C8orf34: variants seen among roughly 807,000 people sequenced by gnomAD.
C8orf34 encodes the protein uncharacterized protein C8orf34.
C8orf34 carries 65 observed loss-of-function variants against 68.3 expected under a neutral mutation model. The ratio of observed to expected loss-of-function variants is 0.95; its 90% CI spans 0.78 to 1.17. The LOEUF is 1.17. C8orf34 is among the 50% of genes most tolerant of loss of function. C8orf34 has a pLI of 0.00. For missense variants in C8orf34, 664 were observed against 655.4 expected, an observed-to-expected ratio of 1.01 and a Z score of -0.14; for synonymous variants, 244 against 241.2, an observed-to-expected ratio of 1.01 and a Z score of -0.11.
chr8:68,813,450 C>T (rs975190405), intron 12 of C8orf34, among the ~76,000 whole-genome samples: 2 of 152,062 alleles, frequency 1.3e-5, no homozygotes, highest in Non-Finnish European at 2.9e-5. Flanking sequence ...TTCTCCTGCA[C>T]TTGTACTGTT....
intron 8 of C8orf34, among the ~76,000 whole-genome samples, chr8:68,674,340 A>C (rs1474140685): frequency 6.6e-6 from 1 of 152,220 alleles, no homozygotes; most frequent in Admixed American, 6.5e-5. Flanking sequence ...AGAGAGAGAG[A>C]GATATGATCT....
At chr8:68,615,720 A>G (rs1818187825) in intron 7 of C8orf34, among the ~76,000 whole-genome samples, 1 of 152,206 alleles carries the variant, frequency 6.6e-6, no homozygotes, top group Admixed American at 6.5e-5. Flanking sequence ...TTTTGCATCA[A>G]TATTCATCAA....
chr8:68,709,711 TG>T (rs1026375898), intron 9 of C8orf34, among the ~76,000 whole-genome samples: 2 of 152,168 alleles, frequency 1.3e-5, no homozygotes, highest in South Asian at 2.1e-4. Flanking sequence ...ACCCCTCTTT[TG>T]TTCATTGTTT....
Position 68,331,103 on chromosome 8 carries a change from C to G in C8orf34, c.91C>G (p.Arg31Gly). The G allele has an allele frequency of 6.7e-7, 1 of 1,495,298 alleles. No individual in the cohort carries two copies. Among genetic ancestry groups the G allele is most frequent in the African/African-American group, 1.4e-5 (1 of 69,246 alleles). 92.6% of individuals were successfully genotyped at this position (1,495,298 alleles called of 1,614,324 possible). A position where few individuals can be genotyped will look rare whatever the true frequency, so the allele number is the denominator to read the frequency against. ...LSAPHARVAP[R>G]AATHARGRGR... is the part of the protein sequence containing the mutation. ...AGCGCCCCACGCGCGCGTGGCTCCC[C>G]GGGCTGCCACCCACGCCCGCGGCCG... The change falls in exon 1 of 14, where the codon CGG (arginine) becomes GGG (glycine). Residue 31 changes from arginine to glycine, a missense_variant. By Grantham distance (125) the Arg-to-Gly change is moderately radical. Transcript: ENST00000518698.
At chr8:68,559,876 G>C (rs1343000348) in intron 7 of C8orf34, among the ~76,000 whole-genome samples, 2 of 152,146 alleles carry the variant, frequency 1.3e-5, no homozygotes, top group African/African-American at 4.8e-5. Flanking sequence ...AGTGTGGGCT[G>C]TGAATAGAAG....
At chr8:68,519,209 T>C (rs149867685) in intron 5 of C8orf34, among the ~76,000 whole-genome samples, 532 of 152,344 alleles carry the variant, frequency 3.5e-3, no homozygotes, top group Non-Finnish European at 6.2e-3. Context: ...ATAGTGCTCA[T>C]TGTCAACTTA....
At chr8:68,526,166 G>A (rs770560097) in intron 6 of C8orf34, among the ~76,000 whole-genome samples, 42 of 151,676 alleles carry the variant, frequency 2.8e-4, no homozygotes, top group Non-Finnish European at 5.3e-4. Context: ...TCACTATGTT[G>A]CCCAGGCAGG....
intron 10 of C8orf34, among the ~76,000 whole-genome samples, chr8:68,736,585 C>A (rs1396226439): frequency 6.6e-6 from 1 of 151,844 alleles, no homozygotes; most frequent in African/African-American, 2.4e-5. Context: ...TATAATAAAT[C>A]AATATAATAC....
chr8:68,703,476 G>T (rs1464584403), intron 8 of C8orf34, among the ~76,000 whole-genome samples: 1 of 151,974 alleles, frequency 6.6e-6, no homozygotes, highest in African/African-American at 2.4e-5. Context: ...ATGCTTCAAG[G>T]TGGGACAAGC....
intron 1 of C8orf34, among the ~76,000 whole-genome samples, chr8:68,402,787 T>C (rs527912723): frequency 6.6e-5 from 10 of 152,306 alleles, no homozygotes; most frequent in African/African-American, 1.9e-4. Flanking sequence ...TGATATGATT[T>C]TGATTTTTAA....
intron 1 of C8orf34, among the ~76,000 whole-genome samples, chr8:68,436,850 T>A (rs1810689730): frequency 6.6e-6 from 1 of 152,168 alleles, no homozygotes; most frequent in Non-Finnish European, 1.5e-5. Flanking sequence ...TAATTTCTAG[T>A]GGTGGAAAGA....
intron 11 of C8orf34, among the ~76,000 whole-genome samples, chr8:68,778,086 G>C (rs566139506): frequency 6.6e-6 from 1 of 152,174 alleles, no homozygotes; most frequent in East Asian, 1.9e-4. Flanking sequence ...ATGACTAGTT[G>C]GCTTTTCTCA....
Position 68,446,347 on chromosome 8 carries a change from G to C in C8orf34, c.494G>C (p.Arg165Thr), listed in dbSNP as rs1171682173. The C allele has an allele frequency of 3.1e-6, 5 of 1,598,924 alleles. No homozygotes were observed. The highest frequency in any genetic ancestry group is 4.3e-6 in the Non-Finnish European group (5 of 1,175,980). ...SEKSESKGTR[R>T]DFRSYDKPWQ... The stretch of plus-strand genomic sequence containing the variant: ...TTAACAGAATCCAAAGGAACAAGAA[G>C]GGATTTCAGAAGCTATGATAAACCT... Residue 165 changes from arginine to threonine, a missense_variant, in exon 3 of 14, where the codon AGG becomes ACG. Physicochemically the swap from Arg to Thr is moderately conservative, Grantham distance 71. Coordinates refer to ENST00000518698, the MANE Select transcript of C8orf34 (RefSeq NM_052958.4).
chr8:68,665,266 C>T (rs143616874), intron 8 of C8orf34, among the ~76,000 whole-genome samples: 2 of 152,294 alleles, frequency 1.3e-5, no homozygotes, highest in African/African-American at 4.8e-5. Context: ...ATTGTGTATA[C>T]AGGCAGTAGG....
chr8:68,444,222 T>C (rs2129626491), intron 2 of C8orf34, among the ~76,000 whole-genome samples: 1 of 152,270 alleles, frequency 6.6e-6, no homozygotes, highest in African/African-American at 2.4e-5. Context: ...TAGTTTCCTG[T>C]TGCTACTTCT....
At chr8:68,790,635 A>AT (rs34656509) in intron 12 of C8orf34, among the ~76,000 whole-genome samples, 76,221 of 151,926 alleles carry the variant, frequency 0.5, 22,010 homozygotes, top group African/African-American at 0.81. Context: ...GATTAAATAG[A>AT]TTTTTTTCTT....
chr8:68,796,646 A>ATTTAT (rs1218688989), intron 12 of C8orf34, among the ~76,000 whole-genome samples: 1 of 152,172 alleles, frequency 6.6e-6, no homozygotes, highest in Admixed American at 6.5e-5. Context: ...AACAGATCAA[A>ATTTAT]TATAATAAGC....
intron 7 of C8orf34, among the ~76,000 whole-genome samples, chr8:68,557,601 C>G (rs962693789): frequency 1.6e-4 from 24 of 152,088 alleles, no homozygotes; most frequent in Admixed American, 1.4e-3. Flanking sequence ...TGTAAGCTAT[C>G]AGAATGTGCT....
At chr8:68,680,569 C>T (rs184628160) in intron 8 of C8orf34, among the ~76,000 whole-genome samples, 38 of 152,190 alleles carry the variant, frequency 2.5e-4, no homozygotes, top group Admixed American at 1.7e-3. Flanking sequence ...ACAAAGATCA[C>T]ATGCTTCAAA....
Sources: allele counts gnomAD v4.1 joint callset (sites outside exome capture counted in the v4.1 genomes callset), GRCh38; gene constraint gnomAD v4.1.1; transcripts MANE v1.5; gene names NCBI Gene and HGNC (gene_info 2026-07-23, HGNC 2026-07-21).